PAN3: variants seen among roughly 807,000 people sequenced by gnomAD.
PAN3 encodes the protein PAN2-PAN3 deadenylation complex subunit PAN3.
Under a neutral mutation model 96.2 loss-of-function variants are expected in PAN3, and 19 were observed. The ratio of observed to expected loss-of-function variants is 0.20; its 90% CI spans 0.14 to 0.29. The LOEUF is 0.29. Ranked by LOEUF, PAN3 falls within the 10% of genes least tolerant of loss-of-function variation. The pLI, the probability that PAN3 is intolerant of heterozygous loss-of-function variation, is 1.00. For missense variants in PAN3, 882 were observed against 1,108.1 expected (o/e 0.80, Z 2.90); for synonymous variants, 433 against 406.6 (o/e 1.06, Z -0.78).
At chr13:28,195,056 T>G (rs73446938) in intron 4 of PAN3, among the ~76,000 whole-genome samples, 2,826 of 152,232 alleles carry the variant, frequency 0.019, 74 homozygotes, top group African/African-American at 0.063. Flanking sequence ...GCTATAGACA[T>G]AGAGAGTAAC....
chr13:28,173,323 A>G (rs986447957), intron 1 of PAN3, among the ~76,000 whole-genome samples: 2 of 152,156 alleles, frequency 1.3e-5, no homozygotes, highest in East Asian at 1.9e-4. Flanking sequence ...ATTTCTTGTT[A>G]AAGATGAACT....
intron 15 of PAN3, among the ~76,000 whole-genome samples, chr13:28,280,077 C>T (rs1887342468): frequency 6.6e-6 from 1 of 152,058 alleles, no homozygotes; most frequent in South Asian, 2.1e-4. Flanking sequence ...TGAACCACTG[C>T]ACCTGGCCTG....
chr13:28,294,938 C>T lies in PAN3; in HGVS notation c.*2416C>T, dbSNP rs554258230. 6.6e-6 allele frequency: 1 copy of T among 152,112 alleles called. No homozygotes were observed. Among genetic ancestry groups the T allele is most frequent in the Admixed American group, 6.6e-5 (1 of 15,260 alleles). The allele number at this position is 152,112 out of a possible 1,614,324, so 9.4% of individuals were successfully genotyped here. ...GAGCCCTGTTTTCCATAGTGTAATT[C>T]CATTTAAGAGGTTGTCTAAAAGTCT... On this transcript the variant is annotated 3_prime_UTR_variant, in exon 19 of 19. Transcript: ENST00000380958.
intron 5 of PAN3, among the ~76,000 whole-genome samples, chr13:28,213,506 T>C (rs1006966206): frequency 6.6e-6 from 1 of 152,120 alleles, no homozygotes; most frequent in Non-Finnish European, 1.5e-5. Flanking sequence ...TGCAGTCAAA[T>C]TGAGTGCATT....
chr13:28,179,841 T>C (rs975478472), intron 4 of PAN3, among the ~76,000 whole-genome samples: 6 of 152,138 alleles, frequency 3.9e-5, no homozygotes, highest in African/African-American at 1.2e-4. Context: ...AGTGGAAATA[T>C]ATGATTTAGA....
intron 1 of PAN3, among the ~76,000 whole-genome samples, chr13:28,144,442 C>T (rs952197788): frequency 1.3e-5 from 2 of 151,914 alleles, no homozygotes; most frequent in African/African-American, 4.8e-5. Context: ...GTCTCAATCT[C>T]CTGACCTCAT....
chr13:28,215,809 C>T, intron 5 of PAN3: 1 of 1,374,368 alleles, frequency 7.3e-7, no homozygotes, highest in African/African-American at 1.4e-5. Flanking sequence ...CAGACAGTTG[C>T]TGTGGGTGTC....
intron 6 of PAN3, among the ~76,000 whole-genome samples, chr13:28,253,828 A>T (rs374791056): frequency 1.1e-4 from 16 of 152,192 alleles, no homozygotes; most frequent in African/African-American, 3.9e-4. Context: ...GATGAACTCA[A>T]ATTTTATTTC....
At chr13:28,290,654 C>T (rs1869644409) in intron 18 of PAN3, among the ~76,000 whole-genome samples, 1 of 152,066 alleles carries the variant, frequency 6.6e-6, no homozygotes, top group Non-Finnish European at 1.5e-5. Flanking sequence ...TGTACTCCAG[C>T]CTGGGCAACA....
At chr13:28,200,364 G>T (rs571242368) in intron 5 of PAN3, among the ~76,000 whole-genome samples, 2 of 152,126 alleles carry the variant, frequency 1.3e-5, no homozygotes, top group Admixed American at 6.5e-5. Flanking sequence ...ATTCCTTTAC[G>T]TTCATTTCTT....
At chr13:28,265,630 A>G (rs1467765842) in intron 9 of PAN3, among the ~76,000 whole-genome samples, 1 of 152,180 alleles carries the variant, frequency 6.6e-6, no homozygotes, top group Non-Finnish European at 1.5e-5. Context: ...ATCATTTTGA[A>G]CCTGTCTTCT....
intron 9 of PAN3, among the ~76,000 whole-genome samples, chr13:28,265,694 A>G (rs188073471): frequency 6.5e-4 from 99 of 151,952 alleles, no homozygotes; most frequent in Non-Finnish European, 1.2e-4. Context: ...GAGGTCAAAA[A>G]TTATCAGTTG....
chr13:28,261,069 G>A (rs1885679311), intron 8 of PAN3, among the ~76,000 whole-genome samples: 4 of 152,104 alleles, frequency 2.6e-5, no homozygotes, highest in Admixed American at 2.0e-4. Flanking sequence ...AGTTCTACCA[G>A]TATAGTGTTT....
rs114833169 is a variant in PAN3, at chr13:28,167,456, C to T, written c.431-6816C>T. On this transcript the variant is annotated intron_variant, in intron 1 of 18. Coordinates refer to ENST00000380958, the MANE Select transcript of PAN3 (RefSeq NM_175854.8). The stretch of plus-strand genomic sequence containing the variant: ...GATTATAGGTGTGAGCCATTGCGCC[C>T]GGCCCAATACCCATTTTTAATCTTT... 6.9e-3 allele frequency among the ~76,000 whole-genome samples: 1,042 copies of T among 152,080 alleles called. 11 individuals carry two copies. Among genetic ancestry groups the T allele is most frequent in the African/African-American group, 0.024 (1,006 of 41,478 alleles).
At chr13:28,256,949 C>T (rs986385440) in intron 7 of PAN3, among the ~76,000 whole-genome samples, 1 of 152,124 alleles carries the variant, frequency 6.6e-6, no homozygotes, top group Admixed American at 6.6e-5. Flanking sequence ...CAATGATAAA[C>T]CCTTATTTCA....
chr13:28,218,110 A>T (rs1354730244), intron 5 of PAN3, among the ~76,000 whole-genome samples: 1 of 152,026 alleles, frequency 6.6e-6, no homozygotes, highest in Non-Finnish European at 1.5e-5. Flanking sequence ...TTATAGTTTT[A>T]AAAAAAGATT....
chr13:28,224,445 A>G (rs929021363), intron 6 of PAN3, among the ~76,000 whole-genome samples: 2 of 152,156 alleles, frequency 1.3e-5, no homozygotes, highest in Non-Finnish European at 2.9e-5. Context: ...CTTCTGCTTA[A>G]TTATCATGTG....
chr13:28,235,726 T>C (rs553965502), intron 6 of PAN3, among the ~76,000 whole-genome samples: 2,372 of 126,414 alleles, frequency 0.019, 61 homozygotes, highest in African/African-American at 0.068. Context: ...CACACACATA[T>C]ATATATATAT....
intron 6 of PAN3, among the ~76,000 whole-genome samples, chr13:28,246,562 C>A (rs1884209838): frequency 6.6e-6 from 1 of 152,140 alleles, no homozygotes. Context: ...CGTTAACCAA[C>A]CTCTTCAGTC....
Sources: gnomAD v4.1 joint callset for allele counts (sites outside exome capture counted in the v4.1 genomes callset) on GRCh38, gnomAD v4.1.1 for gene constraint, MANE v1.5 for transcripts, NCBI Gene and HGNC (gene_info 2026-07-23, HGNC 2026-07-21) for gene names.